NRXN1: variants seen among roughly 807,000 people sequenced by gnomAD.
The protein encoded by NRXN1 is neurexin-1.
In NRXN1, 39 loss-of-function variants were observed where a neutral mutation model predicts 150.9. The ratio of observed to expected loss-of-function variants is 0.26; its 90% CI spans 0.20 to 0.34. NRXN1 has a LOEUF of 0.34. Ranked by LOEUF, NRXN1 falls within the 10% of genes least tolerant of loss-of-function variation. The probability of loss-of-function intolerance (pLI) is 1.00; values close to 1 mark genes in which losing one functional copy is unlikely to be tolerated. For missense variants in NRXN1, 1,815 were observed against 1,949.9 expected, an observed-to-expected ratio of 0.93 and a Z score of 1.30; for synonymous variants, 924 against 757.0, an observed-to-expected ratio of 1.22 and a Z score of -3.62.
chr2:49,957,885 G>C lies in NRXN1; in HGVS notation c.4129-14094C>G, dbSNP rs1675258013. 2.6e-5 allele frequency among the ~76,000 whole-genome samples: 4 copies of C among 152,110 alleles called. No individual in the cohort carries two copies. In the South Asian group the frequency reaches 8.3e-4, roughly 31 times the overall value. On this transcript the variant is annotated intron_variant, in intron 21 of 22. Coordinates refer to ENST00000401669, the MANE Select transcript of NRXN1 (RefSeq NM_001330078.2). Reference sequence around the variant, plus strand: ...CGTCTTGCTCCTTCTACTCCTCCTAGTTTCATGTTTGGGTATGGGGCAGAT... The same window carrying C: ...CGTCTTGCTCCTTCTACTCCTCCTACTTTCATGTTTGGGTATGGGGCAGAT...
intron 5 of NRXN1, among the ~76,000 whole-genome samples, chr2:50,800,769 C>T (rs763763639): frequency 6.6e-6 from 1 of 152,096 alleles, no homozygotes; most frequent in Non-Finnish European, 1.5e-5. Context: ...AGCCTGTTCT[C>T]GAACTCCTGA....
intron 17 of NRXN1, among the ~76,000 whole-genome samples, chr2:50,308,045 A>C (rs1256281958): frequency 6.6e-6 from 1 of 152,174 alleles, no homozygotes; most frequent in Non-Finnish European, 1.5e-5. Flanking sequence ...GCAAATTAAC[A>C]TAACCATCTA....
At chr2:50,640,250 G>A (rs1683876513) in intron 5 of NRXN1, among the ~76,000 whole-genome samples, 1 of 152,068 alleles carries the variant, frequency 6.6e-6, no homozygotes, top group African/African-American at 2.4e-5. Flanking sequence ...ATGTGGAAAT[G>A]GTAAAAACGC....
chr2:50,335,823 G>T (rs1005947041), intron 17 of NRXN1, among the ~76,000 whole-genome samples: 1 of 151,546 alleles, frequency 6.6e-6, no homozygotes, highest in South Asian at 2.1e-4. Context: ...AGTCTAGAAT[G>T]ATAAGAATGA....
chr2:50,745,299 G>C lies in NRXN1; in HGVS notation c.833-121684C>G, dbSNP rs868508578. On this transcript the variant is annotated intron_variant, in intron 5 of 22. Coordinates refer to ENST00000401669, the MANE Select transcript of NRXN1 (RefSeq NM_001330078.2). ...CATGCTTATTTTTATATTTATATCT[G>C]CCCCCCCCCAGGACTGAAAAAAAAC... Among the ~76,000 whole-genome samples the C allele has an allele frequency of 6.2e-3, 813 of 131,486 alleles. 12 individuals carry two copies. Among genetic ancestry groups the C allele is most frequent in the African/African-American group, 0.022 (777 of 34,722 alleles). The allele number at this position is 131,486 out of a possible 152,430, so 86.3% of individuals were successfully genotyped here.
At chr2:50,888,385 G>A (rs1680578045) in intron 5 of NRXN1, among the ~76,000 whole-genome samples, 1 of 151,480 alleles carries the variant, frequency 6.6e-6, no homozygotes, top group Non-Finnish European at 1.5e-5. Flanking sequence ...AGGGTCTTAT[G>A]CCACAGCCAG....
At chr2:50,864,290 T>C (rs1211870047) in intron 5 of NRXN1, among the ~76,000 whole-genome samples, 2 of 151,992 alleles carry the variant, frequency 1.3e-5, no homozygotes, top group Admixed American at 6.6e-5. Flanking sequence ...CTGATCATCA[T>C]AAAAGCTAAA....
At chr2:50,867,253 T>C (rs1181275283) in intron 5 of NRXN1, among the ~76,000 whole-genome samples, 2 of 151,836 alleles carry the variant, frequency 1.3e-5, no homozygotes, top group Admixed American at 6.6e-5. Context: ...AAACACTGAG[T>C]CCTAGATGCT....
chr2:50,007,407 G>T (rs1302307376), intron 21 of NRXN1, among the ~76,000 whole-genome samples: 1 of 151,910 alleles, frequency 6.6e-6, no homozygotes, highest in East Asian at 1.9e-4. Flanking sequence ...ACAGGCCCTG[G>T]TATGTGATGT....
chr2:50,347,653 T>A lies in NRXN1; in HGVS notation c.3365-110683A>T. Reference sequence around the variant, plus strand: ...GGGTTCAGAGGGAAGAGTGCGCCCTTCTGAAGGAAGTGGGAATCGAACGGC... The same window carrying A: ...GGGTTCAGAGGGAAGAGTGCGCCCTACTGAAGGAAGTGGGAATCGAACGGC... On this transcript the variant is annotated intron_variant, in intron 17 of 22. Transcript: ENST00000401669. The surrounding 1 kb of genome is among the most constrained non-coding windows in gnomAD (Gnocchi z 4.9). 1.0e-6 allele frequency: 1 copy of A among 987,362 alleles called. No individual in the cohort carries two copies. The highest frequency in any genetic ancestry group is 1.2e-6 in the Non-Finnish European group (1 of 831,264). 61.2% of individuals were successfully genotyped at this position (987,362 alleles called of 1,614,324 possible). A position where few individuals can be genotyped will look rare whatever the true frequency, so the allele number is the denominator to read the frequency against.
intron 5 of NRXN1, among the ~76,000 whole-genome samples, chr2:50,837,298 T>C (rs1216862811): frequency 6.6e-6 from 1 of 152,154 alleles, no homozygotes; most frequent in Non-Finnish European, 1.5e-5. Flanking sequence ...AAAATACAAG[T>C]GATATCAATC....
At chr2:50,616,752 A>G (rs1376596938) in intron 8 of NRXN1, among the ~76,000 whole-genome samples, 2 of 152,168 alleles carry the variant, frequency 1.3e-5, no homozygotes, top group Non-Finnish European at 2.9e-5. Flanking sequence ...AATTTCTTCC[A>G]TGACTTCAGA....
chr2:50,394,963 T>C (rs1008728998), intron 17 of NRXN1, among the ~76,000 whole-genome samples: 29 of 152,066 alleles, frequency 1.9e-4, no homozygotes, highest in African/African-American at 7.0e-4. Context: ...ACTTTTCTTA[T>C]TTCATTCTAG....
At chr2:50,672,582 G>T (rs1001251871) in intron 5 of NRXN1, among the ~76,000 whole-genome samples, 15 of 151,812 alleles carry the variant, frequency 9.9e-5, no homozygotes, top group African/African-American at 3.6e-4. Context: ...TGATGTTATG[G>T]TCCTCCACCC....
At chr2:50,117,631 A>T (rs913761416) in intron 18 of NRXN1, among the ~76,000 whole-genome samples, 11 of 152,160 alleles carry the variant, frequency 7.2e-5, no homozygotes, top group African/African-American at 2.7e-4. Context: ...ATTTCTTGTT[A>T]TGTGCCTCAA....
intron 17 of NRXN1, among the ~76,000 whole-genome samples, chr2:50,286,507 C>T (rs1397715690): frequency 6.6e-6 from 1 of 151,924 alleles, no homozygotes; most frequent in Non-Finnish European, 1.5e-5. Flanking sequence ...GTATATATAC[C>T]TTTTTAAAAA....
chr2:50,831,598 G>T (rs988922498), intron 5 of NRXN1, among the ~76,000 whole-genome samples: 1 of 152,116 alleles, frequency 6.6e-6, no homozygotes, highest in South Asian at 2.1e-4. Flanking sequence ...GTATAAATAT[G>T]TTAAGATATG....
chr2:50,502,699 G>A (rs2104963844), intron 13 of NRXN1, among the ~76,000 whole-genome samples: 1 of 152,284 alleles, frequency 6.6e-6, no homozygotes, highest in Non-Finnish European at 1.5e-5. Flanking sequence ...AATGTTGTAG[G>A]TATGAAGGTA....
At chr2:50,512,287 C>T (rs886148287) in intron 12 of NRXN1, among the ~76,000 whole-genome samples, 3 of 152,166 alleles carry the variant, frequency 2.0e-5, no homozygotes, top group Admixed American at 1.3e-4. Context: ...TAAAGAGGCT[C>T]TTCTACCCAA....
Sources: gnomAD v4.1 joint callset for allele counts (sites outside exome capture counted in the v4.1 genomes callset) on GRCh38, gnomAD v4.1.1 for gene constraint, Gnocchi (gnomAD v3.1) non-coding constraint, MANE v1.5 for transcripts, NCBI Gene and HGNC (gene_info 2026-07-23, HGNC 2026-07-21) for gene names.